Variants in ZNF827 observed in about 807,000 individuals in gnomAD.
The protein encoded by ZNF827 is zinc finger protein 827.
ZNF827 carries 13 observed loss-of-function variants against 102.4 expected under a neutral mutation model. That is an observed-to-expected ratio of 0.13 (90% CI 0.08 to 0.20). The LOEUF is 0.20. Among genes scored for constraint, ZNF827 ranks in the 10% least tolerant of loss-of-function variants. The pLI, the probability that ZNF827 is intolerant of heterozygous loss-of-function variation, is 1.00. For synonymous variants in ZNF827, 523 were observed against 536.2 expected (o/e 0.98, Z 0.34); for missense variants, 1,103 against 1,344.4 (o/e 0.82, Z 2.81).
chr4:145,806,478 C>T (rs1366982685), intron 8 of ZNF827, among the ~76,000 whole-genome samples: 1 of 152,052 alleles, frequency 6.6e-6, no homozygotes, highest in African/African-American at 2.4e-5. Context: ...ACTTTCTTTT[C>T]ACCCCAGTGA....
chr4:145,896,502 A>T (rs538060456), intron 2 of ZNF827, among the ~76,000 whole-genome samples: 2 of 152,298 alleles, frequency 1.3e-5, no homozygotes, highest in South Asian at 4.1e-4. Flanking sequence ...GCCCCCAAAC[A>T]ATGCCAGGTA....
intron 2 of ZNF827, among the ~76,000 whole-genome samples, chr4:145,899,119 C>T (rs975042662): frequency 1.1e-4 from 16 of 151,934 alleles, no homozygotes; most frequent in Non-Finnish European, 1.5e-5. Flanking sequence ...GGCCAATGCA[C>T]CTACGTATTT....
At chr4:145,843,765 T>C (rs1745651465) in intron 7 of ZNF827, among the ~76,000 whole-genome samples, 1 of 152,226 alleles carries the variant, frequency 6.6e-6, no homozygotes. Flanking sequence ...CTGTCCCCAT[T>C]GGAACCCCCT....
At chr4:145,901,139 T>C (rs1751377072) in intron 2 of ZNF827, among the ~76,000 whole-genome samples, 1 of 152,240 alleles carries the variant, frequency 6.6e-6, no homozygotes, top group South Asian at 2.1e-4. Context: ...GTCAATTATT[T>C]GCCATTCCAA....
chr4:145,811,818 A>C (rs910653730), intron 8 of ZNF827, among the ~76,000 whole-genome samples: 1 of 152,236 alleles, frequency 6.6e-6, no homozygotes, highest in African/African-American at 2.4e-5. Context: ...CCATCGCTAA[A>C]ATAATTTATA....
intron 5 of ZNF827, among the ~76,000 whole-genome samples, chr4:145,858,120 T>C (rs1488942845): frequency 7.7e-6 from 1 of 130,030 alleles, no homozygotes; most frequent in Non-Finnish European, 1.6e-5. Context: ...AGTGCTGATG[T>C]GTGTGCATGT....
intron 5 of ZNF827, among the ~76,000 whole-genome samples, chr4:145,863,433 C>T (rs1046179542): frequency 1.2e-4 from 18 of 152,256 alleles, no homozygotes; most frequent in Admixed American, 1.1e-3. Flanking sequence ...TAAGCCCACA[C>T]AAAAACTTGC....
intron 1 of ZNF827, among the ~76,000 whole-genome samples, chr4:145,935,078 A>C (rs957569796): frequency 5.3e-5 from 8 of 151,962 alleles, no homozygotes; most frequent in African/African-American, 1.9e-4. Context: ...TCCGTTACAC[A>C]CTCCTTTCTT....
At chr4:145,789,939 T>C (rs1205199988) in intron 8 of ZNF827, among the ~76,000 whole-genome samples, 6 of 152,258 alleles carry the variant, frequency 3.9e-5, no homozygotes, top group Non-Finnish European at 7.3e-5. Flanking sequence ...AACTCCTCTT[T>C]GGCCTCTTCT....
At chr4:145,888,870 C>T (rs1347909473) in intron 3 of ZNF827, among the ~76,000 whole-genome samples, 4 of 152,174 alleles carry the variant, frequency 2.6e-5, no homozygotes, top group Non-Finnish European at 5.9e-5. Context: ...TAAGCTCCTT[C>T]CACAGCGGGT....
chr4:145,929,986 G>C (rs189218929), intron 1 of ZNF827, among the ~76,000 whole-genome samples: 6 of 152,154 alleles, frequency 3.9e-5, no homozygotes, highest in Admixed American at 1.3e-4. Flanking sequence ...GAACAGCCTG[G>C]CCCCAGAGTT....
chr4:145,796,865 A>C (rs1740438965), intron 8 of ZNF827, among the ~76,000 whole-genome samples: 1 of 152,112 alleles, frequency 6.6e-6, no homozygotes, highest in Non-Finnish European at 1.5e-5. Context: ...TCCTGATCTC[A>C]GGTGATCCAC....
chr4:145,823,657 TAAG>T (rs925587756), intron 7 of ZNF827, 132 bp from the exon 8 acceptor site: 2 of 637,128 alleles, frequency 3.1e-6, no homozygotes, highest in Non-Finnish European at 5.5e-6. Context: ...TTAGTGAATA[TAAG>T]AAGATTGTGC....
chr4:145,882,196 A>C, intron 4 of ZNF827, among the ~76,000 whole-genome samples: 1 of 152,186 alleles, frequency 6.6e-6, no homozygotes, highest in East Asian at 1.9e-4. Context: ...ACCTGCCCTG[A>C]CATGCAATGA....
At chr4:145,892,606 A>C (rs1267431693) in intron 2 of ZNF827, among the ~76,000 whole-genome samples, 191 bp from the exon 3 acceptor site, 1 of 151,848 alleles carries the variant, frequency 6.6e-6, no homozygotes, top group Admixed American at 6.6e-5. Context: ...ATATTCACCT[A>C]GTTACTTCCA....
At chr4:145,822,510 G>C (rs1743239387) in intron 8 of ZNF827, among the ~76,000 whole-genome samples, 1 of 152,198 alleles carries the variant, frequency 6.6e-6, no homozygotes, top group Non-Finnish European at 1.5e-5. Context: ...TATTTTTGAA[G>C]AGGCTGCGGG....
rs530747475 is a variant in ZNF827 at position 145,802,626 on chromosome 4, T to C, written c.2383+20796A>G. Among the ~76,000 whole-genome samples the C allele has an allele frequency of 1.3e-4, 20 of 152,350 alleles. No homozygotes were observed. In the South Asian group the frequency reaches 4.1e-3, roughly 32 times the overall value. On this transcript the variant is annotated intron_variant, in intron 8 of 14. Transcript: ENST00000508784. ...CTGGTTGTGACCCGCCAGCCGATTA[T>C]AAAATTGATTTAGTGGATCTCAACC... is the stretch of plus-strand genomic sequence containing the variant.
rs1751542064 is a variant in ZNF827, at chr4:145,902,901, T to A, written c.358A>T (p.Ser120Cys). The A allele has an allele frequency of 6.2e-7, 1 of 1,614,042 alleles. No homozygotes were observed. The highest frequency in any genetic ancestry group is 1.3e-5 in the African/African-American group (1 of 74,904). Residue 120 changes from serine (S) to cysteine (C), a missense_variant, in exon 2 of 15, where the codon AGC becomes TGC. Ser to Cys is a moderately radical substitution (Grantham distance 112). Coordinates refer to ENST00000508784, the MANE Select transcript of ZNF827 (RefSeq NM_001306215.2). This position sits in a 1 kb window ranked among gnomAD's most constrained non-coding sequence, Gnocchi z 4.3. ...TCCAGCAGCCGCCTCAAATTGCTGC[T>A]CAGGGGCTTGTTGGAGCCTGGGTCA... ...DDDPGSNKPL[S>C]SNLRRLLEAG...
In ZNF827 at chr4:145,759,463, G is replaced by T. The variant is rs1052060286; in HGVS notation, c.*2153C>A. 1 of 152,104 alleles carries T rather than the reference G, an allele frequency of 6.6e-6. No homozygotes were observed. Among genetic ancestry groups the T allele is most frequent in the Non-Finnish European group, 1.5e-5 (1 of 68,030 alleles). The allele number at this position is 152,104 out of a possible 1,614,324, so 9.4% of individuals were successfully genotyped here. ...TCCTAGCAGGTTACATCTACCAGGC[G>T]TTAACAAAATGGAATACAGAATTAC... is the stretch of plus-strand genomic sequence containing the variant. On this transcript the variant is annotated 3_prime_UTR_variant, in exon 15 of 15. Transcript: ENST00000508784.
Sources: allele counts gnomAD v4.1 joint callset (sites outside exome capture counted in the v4.1 genomes callset), GRCh38; gene constraint gnomAD v4.1.1; non-coding constraint Gnocchi (gnomAD v3.1); transcripts MANE v1.5; gene names NCBI Gene and HGNC (gene_info 2026-07-23, HGNC 2026-07-21).